FAM107B: variants seen among roughly 807,000 people sequenced by gnomAD.
FAM107B encodes the protein family with sequence similarity 107 member B.
A neutral mutation model predicts 31.5 loss-of-function variants in FAM107B; 21 were observed. The observed-to-expected ratio is 0.67, with a 90% CI of 0.47 to 0.96. The LOEUF is 0.96. Ranked by LOEUF, FAM107B falls within the 40% of genes least tolerant of loss-of-function variation. The probability of loss-of-function intolerance (pLI) is 0.00; values close to 1 mark genes in which losing one functional copy is unlikely to be tolerated. For synonymous variants in FAM107B, 157 were observed against 141.5 expected, an observed-to-expected ratio of 1.11 and a Z score of -0.78; for missense variants, 452 against 377.1, an observed-to-expected ratio of 1.20 and a Z score of -1.64.
chr10:14,652,087 C>T (rs540685184), intron 2 of FAM107B, among the ~76,000 whole-genome samples: 1 of 152,024 alleles, frequency 6.6e-6, no homozygotes, highest in Non-Finnish European at 1.5e-5. Flanking sequence ...TTGATTCTAC[C>T]AGAGTTAAAC....
At chr10:14,602,536 A>C (rs1250049316) in intron 2 of FAM107B, 1 of 152,224 alleles carries the variant, frequency 6.6e-6, no homozygotes, top group African/African-American at 2.4e-5. Flanking sequence ...CCCTTATTTT[A>C]CTTTCTCAGT....
intron 1 of FAM107B, among the ~76,000 whole-genome samples, chr10:14,669,889 C>G (rs926110892): frequency 6.6e-6 from 1 of 152,144 alleles, no homozygotes; most frequent in East Asian, 1.9e-4. Context: ...CAGTTAACAA[C>G]AATGTATTGC....
At position 14,524,552 on chromosome 10, in the gene FAM107B, AT is replaced by A. The variant is rs1456000995; in HGVS notation, c.654-2534del. The stretch of plus-strand genomic sequence containing the variant: ...ACAACAGGATAAAAAATATGCACAG[AT>A]TAAATCTTTAATCAGCACAATATAA... On this transcript the variant is annotated intron_variant, in intron 3 of 4. Coordinates refer to ENST00000181796, the MANE Select transcript of FAM107B (RefSeq NM_031453.4). Among the ~76,000 whole-genome samples the A allele has an allele frequency of 7.2e-5, 11 of 152,332 alleles. No homozygotes were observed. In the East Asian group the frequency reaches 1.7e-3, roughly 24 times the overall value.
At chr10:14,662,075 T>C (rs1588691058) in intron 2 of FAM107B, among the ~76,000 whole-genome samples, 1 of 152,236 alleles carries the variant, frequency 6.6e-6, no homozygotes, top group Non-Finnish European at 1.5e-5. Context: ...TCATTCTTCC[T>C]TCTCCCTATG....
At chr10:14,607,629 T>C (rs1409632761) in intron 2 of FAM107B, among the ~76,000 whole-genome samples, 2 of 152,198 alleles carry the variant, frequency 1.3e-5, no homozygotes, top group Non-Finnish European at 2.9e-5. Context: ...AGATTTCACA[T>C]TCTGAATGTA....
intron 1 of FAM107B, among the ~76,000 whole-genome samples, chr10:14,697,176 C>A (rs1588712711): frequency 6.6e-6 from 1 of 152,186 alleles, no homozygotes; most frequent in East Asian, 1.9e-4. Context: ...ACGTAAAAAT[C>A]TCAGCCCCTT....
chr10:14,626,705 G>A lies in FAM107B; in HGVS notation c.469+40929C>T, dbSNP rs11259236. Among the ~76,000 whole-genome samples the A allele has an allele frequency of 4.6e-5, 7 of 151,890 alleles. No homozygotes were observed. In the East Asian group the frequency reaches 1.2e-3, roughly 25 times the overall value. On this transcript the variant is annotated intron_variant, in intron 2 of 4. Transcript: ENST00000181796. ...TTTTTAGTAGAGATGGGGTTTCACCGTGTTAGCCAGGATGGTCTCGATCTC... is the reference window on the plus strand; with the variant it reads ...TTTTTAGTAGAGATGGGGTTTCACCATGTTAGCCAGGATGGTCTCGATCTC...
chr10:14,762,752 TCTCACACA>T (rs1204515699), intron 1 of FAM107B, among the ~76,000 whole-genome samples: 5,143 of 117,532 alleles, frequency 0.044, 296 homozygotes, highest in African/African-American at 0.14. Flanking sequence ...TGAAACTCTG[TCTCACACA>T]CACACACACA....
chr10:14,688,905 T>C (rs989080883), intron 1 of FAM107B, among the ~76,000 whole-genome samples: 6 of 152,226 alleles, frequency 3.9e-5, no homozygotes, highest in Non-Finnish European at 7.3e-5. Context: ...GGAGAAAAGA[T>C]GTATTCTTTG....
intron 2 of FAM107B, among the ~76,000 whole-genome samples, chr10:14,618,495 G>C (rs908415267): frequency 5.3e-5 from 8 of 152,078 alleles, no homozygotes; most frequent in Admixed American, 3.3e-4. Flanking sequence ...CCCCCAAAAA[G>C]ATGTTGAGGC....
chr10:14,606,514 A>G (rs1340353557), intron 2 of FAM107B, among the ~76,000 whole-genome samples: 1 of 152,190 alleles, frequency 6.6e-6, no homozygotes, highest in Non-Finnish European at 1.5e-5. Context: ...TGTGTACCAC[A>G]TACCCCTATA....
At chr10:14,662,686 T>C (rs1854277092) in intron 2 of FAM107B, among the ~76,000 whole-genome samples, 1 of 152,200 alleles carries the variant, frequency 6.6e-6, no homozygotes, top group Non-Finnish European at 1.5e-5. Context: ...AGGCTTAACA[T>C]ACCAATAGGC....
At chr10:14,645,781 T>A (rs191394863) in intron 2 of FAM107B, among the ~76,000 whole-genome samples, 1 of 152,366 alleles carries the variant, frequency 6.6e-6, no homozygotes, top group African/African-American at 2.4e-5. Context: ...ATAAATTCTC[T>A]CCCTGATTTC....
intron 1 of FAM107B, among the ~76,000 whole-genome samples, chr10:14,686,223 T>C (rs1241390025): frequency 6.6e-6 from 1 of 152,122 alleles, no homozygotes; most frequent in Non-Finnish European, 1.5e-5. Context: ...ACCCCGTCTC[T>C]ACTACAAATA....
At chr10:14,642,864 A>C (rs1853662876) in intron 2 of FAM107B, among the ~76,000 whole-genome samples, 1 of 152,230 alleles carries the variant, frequency 6.6e-6, no homozygotes, top group South Asian at 2.1e-4. Context: ...TTGTTAGTTT[A>C]TGAAAAGAAT....
chr10:14,747,975 C>T (rs1251527846), intron 1 of FAM107B, among the ~76,000 whole-genome samples: 3 of 152,238 alleles, frequency 2.0e-5, no homozygotes, highest in Non-Finnish European at 4.4e-5. Context: ...CATGCAGCTA[C>T]AGTGAAGTTC....
intron 2 of FAM107B, among the ~76,000 whole-genome samples, chr10:14,666,300 A>G (rs2131471246): frequency 6.6e-6 from 1 of 152,288 alleles, no homozygotes; most frequent in Middle Eastern, 3.4e-3. Context: ...ACTTACAATC[A>G]TGGCGGAAGC....
intron 1 of FAM107B, chr10:14,723,122 C>T: frequency 5.0e-6 from 2 of 403,940 alleles, no homozygotes; most frequent in South Asian, 1.9e-5. Context: ...GTTTATTTTC[C>T]ATCAGACTTG....
chr10:14,750,789 A>C (rs908378948), intron 1 of FAM107B, among the ~76,000 whole-genome samples: 2 of 152,128 alleles, frequency 1.3e-5, no homozygotes, highest in African/African-American at 4.8e-5. Context: ...TCTACAAAAA[A>C]ATTTTAAAAA....
Sources: allele counts gnomAD v4.1 joint callset (sites outside exome capture counted in the v4.1 genomes callset), GRCh38; gene constraint gnomAD v4.1.1; transcripts MANE v1.5; gene names NCBI Gene and HGNC (gene_info 2026-07-23, HGNC 2026-07-21).